Variants in NPFFR2 observed in about 807,000 individuals in gnomAD.
The protein encoded by NPFFR2 is neuropeptide FF receptor 2.
Under a neutral mutation model 13.1 loss-of-function variants are expected in NPFFR2, and 15 were observed. The ratio of observed to expected loss-of-function variants is 1.15; its 90% confidence interval spans 0.77 to 1.76. NPFFR2 has a LOEUF of 1.76. NPFFR2 is among the 40% of genes most tolerant of loss of function. NPFFR2 has a pLI of 0.00. For missense variants in NPFFR2, 572 were observed against 503.5 expected (o/e 1.14, Z -1.30); for synonymous variants, 190 against 175.7 (o/e 1.08, Z -0.65).
intron 1 of NPFFR2, among the ~76,000 whole-genome samples, chr4:72,084,517 G>A (rs1284102478): frequency 1.3e-5 from 2 of 152,096 alleles, no homozygotes; most frequent in African/African-American, 4.8e-5. Flanking sequence ...AGACCAACTG[G>A]CAATAAACTA....
chr4:72,137,245 TA>T (rs1722446107), intron 2 of NPFFR2, among the ~76,000 whole-genome samples: 1 of 152,058 alleles, frequency 6.6e-6, no homozygotes, highest in African/African-American at 2.4e-5. Flanking sequence ...GCAGAAAAAT[TA>T]AAAAAATAAA....
At chr4:72,052,559 G>A (rs1324324300) in intron 1 of NPFFR2, among the ~76,000 whole-genome samples, 2 of 152,000 alleles carry the variant, frequency 1.3e-5, no homozygotes, top group Admixed American at 1.3e-4. Context: ...AGCAAAAACT[G>A]GAAGCATTCC....
At chr4:72,036,687 C>A (rs1156384311) in intron 1 of NPFFR2, among the ~76,000 whole-genome samples, 5 of 151,068 alleles carry the variant, frequency 3.3e-5, no homozygotes, top group Non-Finnish European at 7.4e-5. Flanking sequence ...TCCCAATCCA[C>A]AATGCCATTT....
chr4:72,147,606 T>G lies in NPFFR2; in HGVS notation c.1057T>G (p.Cys353Gly). 1 of 1,614,092 alleles carries G rather than the reference T, an allele frequency of 6.2e-7. No homozygotes were observed. The highest frequency in any genetic ancestry group is 8.5e-7 in the Non-Finnish European group (1 of 1,180,000). The change falls in exon 4 of 4, where the codon TGC becomes GGC. Residue 353 changes from cysteine to glycine, a missense_variant. Transcript: ENST00000308744. ...CCAAGAAGCTTTCCAGCTCCAGCTC[T>G]GCCAAAAAAGAGCAAAGCCTATGGA... ...GFQEAFQLQL[C>G]QKRAKPMEAY... is the part of the protein sequence containing the mutation.
intron 1 of NPFFR2, among the ~76,000 whole-genome samples, chr4:72,105,422 A>G (rs1417491447): frequency 6.6e-6 from 1 of 152,056 alleles, no homozygotes; most frequent in Non-Finnish European, 1.5e-5. Context: ...ATAACTATGA[A>G]GCAAGACCAA....
chr4:72,106,527 A>C (rs972561723), intron 1 of NPFFR2, among the ~76,000 whole-genome samples: 2 of 152,002 alleles, frequency 1.3e-5, no homozygotes, highest in African/African-American at 2.4e-5. Context: ...AAAGAGCTAT[A>C]ATAACACTCA....
intron 1 of NPFFR2, among the ~76,000 whole-genome samples, chr4:72,120,577 C>A (rs143941179): frequency 6.6e-6 from 1 of 152,196 alleles, no homozygotes; most frequent in Non-Finnish European, 1.5e-5. Flanking sequence ...GTAATCTTTG[C>A]TGTTCTGCAG....
At chr4:72,035,413 T>C (rs769969919) in intron 1 of NPFFR2, among the ~76,000 whole-genome samples, 5 of 152,210 alleles carry the variant, frequency 3.3e-5, no homozygotes, top group Admixed American at 6.5e-5. Context: ...ATAGTTTCTA[T>C]AGTATTCACC....
At chr4:72,146,914 T>C in intron 3 of NPFFR2, 64 bp from the exon 4 acceptor site, 2 of 1,076,788 alleles carry the variant, frequency 1.9e-6, no homozygotes, top group Non-Finnish European at 2.7e-6. Flanking sequence ...ATAAATAAAT[T>C]TGGTGTATGA....
chr4:72,063,138 A>T (rs539647369), intron 1 of NPFFR2, among the ~76,000 whole-genome samples: 1 of 152,322 alleles, frequency 6.6e-6, no homozygotes, highest in Admixed American at 6.5e-5. Context: ...CTTTTTCTAA[A>T]TATACAATAT....
chr4:72,147,723 A>G lies in NPFFR2; in HGVS notation c.1174A>G (p.Thr392Ala). 5 of 1,611,110 alleles carry G rather than the reference A, an allele frequency of 3.1e-6. No homozygotes were observed. Among genetic ancestry groups the G allele is most frequent in the Non-Finnish European group, 4.2e-6 (5 of 1,179,290 alleles). The stretch of plus-strand genomic sequence containing the variant: ...TACATTTCAAAACCCTCATGGGGAA[A>G]CCTTGCTTTATAGGAAAAGTGCTGA... ...ESTFQNPHGE[T>A]LLYRKSAEKP... The change falls in exon 4 of 4, where the codon ACC becomes GCC. Residue 392 changes from threonine (T) to alanine (A), a missense_variant. Coordinates refer to ENST00000308744, the MANE Select transcript of NPFFR2 (RefSeq NM_004885.3).
intron 3 of NPFFR2, among the ~76,000 whole-genome samples, chr4:72,143,592 C>T (rs528754392): frequency 1.8e-4 from 27 of 152,078 alleles, no homozygotes; most frequent in African/African-American, 6.3e-4. Flanking sequence ...CTTTTATAGG[C>T]GCATCCAGAA....
At chr4:72,128,392 T>G (rs1421743409) in intron 1 of NPFFR2, among the ~76,000 whole-genome samples, 193 bp from the exon 2 acceptor site, 1 of 152,188 alleles carries the variant, frequency 6.6e-6, no homozygotes, top group Non-Finnish European at 1.5e-5. Context: ...AATTTTCAAA[T>G]GCTCTTGGTT....
intron 3 of NPFFR2, among the ~76,000 whole-genome samples, chr4:72,143,767 C>G (rs1476479250): frequency 6.6e-6 from 1 of 152,128 alleles, no homozygotes; most frequent in Non-Finnish European, 1.5e-5. Context: ...TATCTCAAAT[C>G]CAAATTGTGC....
At chr4:72,069,276 G>A (rs1720172994) in intron 1 of NPFFR2, among the ~76,000 whole-genome samples, 2 of 152,040 alleles carry the variant, frequency 1.3e-5, no homozygotes, top group African/African-American at 4.8e-5. Flanking sequence ...AAATATGAAT[G>A]CAAAGGTAGT....
chr4:72,061,501 G>C (rs1334828481), intron 1 of NPFFR2, among the ~76,000 whole-genome samples: 2 of 152,128 alleles, frequency 1.3e-5, no homozygotes, highest in Admixed American at 6.6e-5. Flanking sequence ...CTATGACCTT[G>C]GCAGGGTGCC....
At chr4:72,036,509 G>GTATATATATATAA (rs1452018468) in intron 1 of NPFFR2, among the ~76,000 whole-genome samples, 1 of 123,452 alleles carries the variant, frequency 8.1e-6, no homozygotes, top group African/African-American at 4.1e-5. Context: ...GTGTGTGTGT[G>GTATATATATATAA]TGTATATATA....
chr4:72,070,701 G>C (rs187740492), intron 1 of NPFFR2, among the ~76,000 whole-genome samples: 732 of 152,120 alleles, frequency 4.8e-3, no homozygotes, highest in Middle Eastern at 0.014. Flanking sequence ...TGTCAGGGAA[G>C]TGGCTCCATT....
At chr4:72,056,627 G>A (rs1719754285) in intron 1 of NPFFR2, among the ~76,000 whole-genome samples, 2 of 151,936 alleles carry the variant, frequency 1.3e-5, no homozygotes, top group South Asian at 4.1e-4. Context: ...GATGGACATG[G>A]GCAAAGTAAG....
Sources: gnomAD v4.1 joint callset for allele counts (sites outside exome capture counted in the v4.1 genomes callset) on GRCh38, gnomAD v4.1.1 for gene constraint, MANE v1.5 for transcripts, NCBI Gene and HGNC (gene_info 2026-07-23, HGNC 2026-07-21) for gene names.